The following FGF14 variants were observed in gnomAD, a reference collection of about 807,000 sequenced individuals.
FGF14 encodes fibroblast growth factor homologous factor 4.
A neutral mutation model predicts 25.5 loss-of-function variants in FGF14; 5 were observed. The observed-to-expected ratio is 0.20, with a 90% confidence interval of 0.10 to 0.41. The LOEUF (loss-of-function observed/expected upper bound fraction) is 0.41. Among genes scored for constraint, FGF14 ranks in the 10% least tolerant of loss-of-function variants. The probability of loss-of-function intolerance (pLI) is 1.00; values close to 1 mark genes in which losing one functional copy is unlikely to be tolerated. For synonymous variants in FGF14, 138 were observed against 118.3 expected (o/e 1.17, Z -1.08); for missense variants, 222 against 320.1 (o/e 0.69, Z 2.34).
intron 1 of FGF14, among the ~76,000 whole-genome samples, chr13:101,880,782 CG>C (rs1264124433): frequency 6.6e-6 from 1 of 152,150 alleles, no homozygotes; most frequent in Non-Finnish European, 1.5e-5. Context: ...TAACCTACCA[CG>C]GTGCTTGCCA....
chr13:101,833,302 A>G (rs990040510), intron 3 of FGF14, among the ~76,000 whole-genome samples: 2 of 152,060 alleles, frequency 1.3e-5, no homozygotes, highest in Non-Finnish European at 2.9e-5. Context: ...ATGCCTCTGA[A>G]AAGTCAGATT....
Position 101,722,540 on chromosome 13 carries a change from A to G in FGF14, c.*291T>C. 2 of 451,104 alleles carry G rather than the reference A, an allele frequency of 4.4e-6. No homozygotes were observed. The highest frequency in any genetic ancestry group is 8.3e-6 in the Non-Finnish European group (2 of 242,354). The allele number at this position is 451,104 out of a possible 1,614,324, so 27.9% of individuals were successfully genotyped here. On this transcript the variant is annotated 3_prime_UTR_variant, in exon 5 of 5. Coordinates refer to ENST00000376143, the MANE Select transcript of FGF14 (RefSeq NM_004115.4). ...AAGGTATCGAGTGTACTTGTGAAGT[A>G]TGTCATTCACATGAAGTGTCACAGT...
chr13:101,832,258 T>G (rs557637202), intron 3 of FGF14, among the ~76,000 whole-genome samples: 1 of 152,102 alleles, frequency 6.6e-6, no homozygotes, highest in East Asian at 1.9e-4. Flanking sequence ...CTCTAAGTGC[T>G]CCAGAGAGAG....
At chr13:101,731,552 ATTATC>A (rs1402363505) in intron 3 of FGF14, among the ~76,000 whole-genome samples, 1 of 152,234 alleles carries the variant, frequency 6.6e-6, no homozygotes, top group African/African-American at 2.4e-5. Flanking sequence ...TGGTGTACTT[ATTATC>A]TTAACAGTAG....
At chr13:101,861,497 T>C (rs1029604066) in intron 3 of FGF14, among the ~76,000 whole-genome samples, 1 of 152,104 alleles carries the variant, frequency 6.6e-6, no homozygotes, top group Non-Finnish European at 1.5e-5. Context: ...GAAAACACTT[T>C]TAAATATCTC....
intron 1 of FGF14, among the ~76,000 whole-genome samples, chr13:102,312,394 C>A (rs1326693283): frequency 6.6e-6 from 1 of 152,130 alleles, no homozygotes; most frequent in African/African-American, 2.4e-5. Flanking sequence ...ATTCTTACAA[C>A]AAACTTTGGA....
intron 3 of FGF14, among the ~76,000 whole-genome samples, chr13:101,747,990 AAAAG>A (rs1393348731): frequency 1.3e-5 from 2 of 152,066 alleles, no homozygotes; most frequent in African/African-American, 4.8e-5. Context: ...GATGCAGAGG[AAAAG>A]AAAAGGCTTA....
rs143519657 is a variant in FGF14 at position 101,926,099 on chromosome 13, G to A, written c.209-50803C>T. Among the ~76,000 whole-genome samples, 930 of 152,230 alleles carry A rather than the reference G, an allele frequency of 6.1e-3. 7 individuals are homozygous for A. Among genetic ancestry groups the A allele is most frequent in the African/African-American group, 0.021 (866 of 41,530 alleles). Reference sequence around the variant, plus strand: ...CAGGATCCTTAACTTAATCACATCTGCAAAATCGTGTAAACTGACGTATTC... The same window carrying A: ...CAGGATCCTTAACTTAATCACATCTACAAAATCGTGTAAACTGACGTATTC... On this transcript the variant is annotated intron_variant, in intron 1 of 4. Transcript: ENST00000376131.
At chr13:101,937,342 G>A (rs1253343695) in intron 1 of FGF14, among the ~76,000 whole-genome samples, 1 of 152,146 alleles carries the variant, frequency 6.6e-6, no homozygotes, top group Non-Finnish European at 1.5e-5. Context: ...TTGGAGACAG[G>A]GTGATCAAGT....
At chr13:101,939,436 C>T (rs1873688474) in intron 1 of FGF14, among the ~76,000 whole-genome samples, 1 of 152,188 alleles carries the variant, frequency 6.6e-6, no homozygotes, top group Admixed American at 6.5e-5. Flanking sequence ...GTCTGACTTT[C>T]CATGGTCCCA....
At chr13:101,995,189 G>T (rs1326529860) in intron 1 of FGF14, among the ~76,000 whole-genome samples, 9 of 152,006 alleles carry the variant, frequency 5.9e-5, no homozygotes, top group African/African-American at 2.2e-4. Flanking sequence ...TTCATTGAAA[G>T]TCTCATTTTT....
At chr13:101,796,157 G>A (rs1001850466) in intron 3 of FGF14, among the ~76,000 whole-genome samples, 2 of 151,956 alleles carry the variant, frequency 1.3e-5, no homozygotes, top group Non-Finnish European at 2.9e-5. Context: ...TTTTTCTTCA[G>A]TAAATAGCTT....
intron 1 of FGF14, among the ~76,000 whole-genome samples, chr13:102,001,247 A>G (rs1441843387): frequency 3.9e-5 from 6 of 152,220 alleles, no homozygotes; most frequent in Non-Finnish European, 8.8e-5. Flanking sequence ...CACTAAAAAC[A>G]TTTTGATACA....
rs370332893 is a variant in FGF14, at chr13:102,021,389, G to T, written c.209-146093C>A. On this transcript the variant is annotated intron_variant, in intron 1 of 4. Transcript: ENST00000376131. Reference sequence around the variant, plus strand: ...GGGAGTGAAGTTCAAGGTGGATATCGTGAACTCCTCACTCCCTAATCCTGG... The same window carrying T: ...GGGAGTGAAGTTCAAGGTGGATATCTTGAACTCCTCACTCCCTAATCCTGG... 1.6e-4 allele frequency among the ~76,000 whole-genome samples: 25 copies of T among 152,054 alleles called. No individual in the cohort carries two copies. The East Asian group carries it at 4.3e-3, about 26-fold the overall frequency.
At chr13:102,077,704 A>T (rs752248566) in intron 1 of FGF14, among the ~76,000 whole-genome samples, 3 of 152,200 alleles carry the variant, frequency 2.0e-5, no homozygotes, top group Non-Finnish European at 4.4e-5. Context: ...AAATGAATAC[A>T]GCTTTTATGG....
intron 1 of FGF14, among the ~76,000 whole-genome samples, chr13:102,169,277 C>G (rs2048147459): frequency 6.6e-6 from 1 of 152,028 alleles, no homozygotes; most frequent in African/African-American, 2.4e-5. Flanking sequence ...TCCAAAAGCT[C>G]TCGATTTCCA....
rs571131089 is a variant in FGF14 at position 101,783,240 on chromosome 13, G to A, written c.409-56430C>T. ...TAATCCTAGCACTTTGGGAGGCTGA[G>A]GCGGGTGGATCACAAGGTCAGGAGA... On this transcript the variant is annotated intron_variant, in intron 3 of 4. Coordinates refer to ENST00000376143, the MANE Select transcript of FGF14 (RefSeq NM_004115.4). 7.9e-5 allele frequency among the ~76,000 whole-genome samples: 12 copies of A among 152,148 alleles called. No homozygotes were observed. In the East Asian group the frequency reaches 1.9e-3, roughly 25 times the overall value.
chr13:102,100,455 CAGA>C (rs1213131563), intron 1 of FGF14, among the ~76,000 whole-genome samples: 4 of 152,106 alleles, frequency 2.6e-5, no homozygotes, highest in Non-Finnish European at 5.9e-5. Context: ...CTTTGCAGAA[CAGA>C]AGGAGGTGCT....
intron 1 of FGF14, among the ~76,000 whole-genome samples, chr13:102,310,017 ATC>A (rs1479408542): frequency 6.6e-6 from 1 of 152,116 alleles, no homozygotes; most frequent in African/African-American, 2.4e-5. Context: ...TTCCACAAAC[ATC>A]TCTGTGTGAC....
Sources: gnomAD v4.1 joint callset for allele counts (sites outside exome capture counted in the v4.1 genomes callset) on GRCh38, gnomAD v4.1.1 for gene constraint, MANE v1.5 for transcripts, NCBI Gene and HGNC (gene_info 2026-07-23, HGNC 2026-07-21) for gene names.